CCDC18: variants seen among roughly 807,000 people sequenced by gnomAD.
The protein encoded by CCDC18 is coiled-coil domain-containing protein 18.
Under a neutral mutation model 196.0 loss-of-function variants are expected in CCDC18, and 157 were observed. The observed-to-expected ratio is 0.80, with a 90% CI of 0.70 to 0.91. The LOEUF is 0.91. CCDC18 is among the 40% of genes least tolerant of loss of function. CCDC18 has a pLI of 0.00. For synonymous variants in CCDC18, 482 were observed against 529.2 expected, an observed-to-expected ratio of 0.91 and a Z score of 1.22; for missense variants, 1,465 against 1,611.6, an observed-to-expected ratio of 0.91 and a Z score of 1.56.
intron 28 of CCDC18, among the ~76,000 whole-genome samples, chr1:93,272,315 A>T (rs1196726054): frequency 6.6e-6 from 1 of 152,188 alleles, no homozygotes; most frequent in African/African-American, 2.4e-5. Context: ...ATGCTGAATG[A>T]ATATTTATGA....
intron 11 of CCDC18, among the ~76,000 whole-genome samples, chr1:93,212,749 G>T (rs563253944): frequency 6.6e-6 from 1 of 152,292 alleles, no homozygotes; most frequent in African/African-American, 2.4e-5. Context: ...TGGCACCAGG[G>T]ACTGGTTTTG....
At chr1:93,272,109 A>AT (rs1242372304) in intron 28 of CCDC18, among the ~76,000 whole-genome samples, 3 of 152,010 alleles carry the variant, frequency 2.0e-5, no homozygotes, top group African/African-American at 7.3e-5. Context: ...GTTAAAAACT[A>AT]TTTTTTTGGA....
chr1:93,256,658 C>A (rs1220101678), intron 25 of CCDC18, 120 bp downstream of exon 25: 3 of 777,592 alleles, frequency 3.9e-6, no homozygotes, highest in African/African-American at 1.8e-5. Context: ...TGTGAATGTA[C>A]TTAATCCCAC....
chr1:93,250,788 C>T (rs947700328), intron 23 of CCDC18, among the ~76,000 whole-genome samples: 2 of 83,788 alleles, frequency 2.4e-5, no homozygotes, highest in African/African-American at 3.0e-4. Flanking sequence ...TTCTGCTATA[C>T]TTTTGATTTC....
intron 21 of CCDC18, among the ~76,000 whole-genome samples, chr1:93,242,415 A>G (rs1215881304): frequency 6.6e-6 from 1 of 152,192 alleles, no homozygotes; most frequent in Non-Finnish European, 1.5e-5. Flanking sequence ...CAGCATGGGA[A>G]AGACCTGCCC....
intron 23 of CCDC18, among the ~76,000 whole-genome samples, chr1:93,253,896 A>T (rs1662589861): frequency 6.6e-6 from 1 of 152,204 alleles, no homozygotes; most frequent in African/African-American, 2.4e-5. Context: ...CGTCTCTACC[A>T]GGATTTCACA....
chr1:93,218,249 T>A (rs1347029364), intron 14 of CCDC18, among the ~76,000 whole-genome samples: 1 of 152,100 alleles, frequency 6.6e-6, no homozygotes, highest in African/African-American at 2.4e-5. Flanking sequence ...AAAAAATAGA[T>A]ACAGTAGTCC....
At chr1:93,233,339 A>T (rs1474271355) in intron 18 of CCDC18, among the ~76,000 whole-genome samples, 3 of 152,206 alleles carry the variant, frequency 2.0e-5, no homozygotes, top group Admixed American at 6.5e-5. Flanking sequence ...ACTAGAATCT[A>T]ATCTTTTTCC....
intron 3 of CCDC18, among the ~76,000 whole-genome samples, chr1:93,185,683 C>A (rs1650538726): frequency 1.3e-5 from 2 of 151,734 alleles, no homozygotes; most frequent in South Asian, 4.1e-4. Context: ...TGTGGAATTA[C>A]CAGAAGACTA....
chr1:93,185,222 A>G (rs1040933597), intron 3 of CCDC18, among the ~76,000 whole-genome samples: 1 of 151,920 alleles, frequency 6.6e-6, no homozygotes, highest in Non-Finnish European at 1.5e-5. Flanking sequence ...CAAATGTTTG[A>G]GGTGTTATTT....
At chr1:93,258,565 C>G (rs766911182) in intron 25 of CCDC18, among the ~76,000 whole-genome samples, 183 bp from the exon 26 acceptor site, 6 of 152,130 alleles carry the variant, frequency 3.9e-5, no homozygotes, top group Non-Finnish European at 5.9e-5. Flanking sequence ...TATATTAATA[C>G]TCTCCCATTA....
At chr1:93,241,368 T>C (rs574758514) in intron 21 of CCDC18, among the ~76,000 whole-genome samples, 39 of 152,230 alleles carry the variant, frequency 2.6e-4, no homozygotes, top group Middle Eastern at 6.8e-3. Context: ...GGCTCTCTGC[T>C]TACAATCTTG....
rs1429377727 is a variant in CCDC18 at position 93,214,687 on chromosome 1, G to GATTTAAAAATATATAAAAAGAT, written c.1496-56_1496-55insATTTAAAAATATATAAAAAGAT. The GATTTAAAAATATATAAAAAGAT allele has an allele frequency of 2.1e-5, 26 of 1,219,700 alleles. No individual in the cohort carries two copies. The East Asian group carries it at 5.6e-4, about 26-fold the overall frequency. The allele number at this position is 1,219,700 out of a possible 1,614,324, so 75.6% of individuals were successfully genotyped here. On this transcript the variant is annotated intron_variant, in intron 11 of 28. Coordinates refer to ENST00000690025, the MANE Select transcript of CCDC18 (RefSeq NM_001378204.1). ...ATGACTAAATCTTTCAACTATTTAA[G>GATTTAAAAATATATAAAAAGAT]TAGGTTTTTATTCTTGAAGTCCTAT...
chr1:93,246,276 C>A, intron 22 of CCDC18, 72 bp downstream of exon 22: 1 of 1,063,080 alleles, frequency 9.4e-7, no homozygotes, highest in Non-Finnish European at 1.3e-6. Context: ...TGAGAGGTCA[C>A]CAATTTTTTG....
intron 23 of CCDC18, among the ~76,000 whole-genome samples, chr1:93,254,069 C>T (rs1662605649): frequency 6.6e-6 from 1 of 152,088 alleles, no homozygotes; most frequent in African/African-American, 2.4e-5. Flanking sequence ...TTGTAATTTA[C>T]AGACTTCTAT....
At chr1:93,228,148 GTGACTCAGAGATTA>G (rs899710716) in intron 17 of CCDC18, among the ~76,000 whole-genome samples, 2 of 151,906 alleles carry the variant, frequency 1.3e-5, no homozygotes, top group Admixed American at 1.3e-4. Flanking sequence ...GTATACCACA[GTGACTCAGAGATTA>G]TTATAAGCAG....
At chr1:93,236,115 A>G in intron 18 of CCDC18, 133 bp from the exon 19 acceptor site, 1 of 705,448 alleles carries the variant, frequency 1.4e-6, no homozygotes, top group Non-Finnish European at 2.3e-6. Flanking sequence ...TGCTTTTTAT[A>G]TTTTCCAAAC....
chr1:93,242,867 C>G (rs963244696), intron 21 of CCDC18, among the ~76,000 whole-genome samples: 1 of 152,258 alleles, frequency 6.6e-6, no homozygotes, highest in African/African-American at 2.4e-5. Context: ...TGTCTCACAT[C>G]CAGGTCACAC....
chr1:93,273,639 GACAA>G (rs1322526042), intron 28 of CCDC18: 1 of 152,164 alleles, frequency 6.6e-6, no homozygotes. Flanking sequence ...CTATCACAAT[GACAA>G]ACAAAAAGTA....
Sources: allele counts gnomAD v4.1 joint callset (sites outside exome capture counted in the v4.1 genomes callset), GRCh38; gene constraint gnomAD v4.1.1; transcripts MANE v1.5; gene names NCBI Gene and HGNC (gene_info 2026-07-23, HGNC 2026-07-21).